The following ANKH variants were observed in gnomAD, a reference collection of about 807,000 sequenced individuals.
ANKH encodes the protein ANKH inorganic pyrophosphate transport regulator, also known as mineralization regulator ANKH.
In ANKH, 15 loss-of-function variants were observed where a neutral mutation model predicts 49.0. The observed-to-expected ratio is 0.31, with a 90% confidence interval of 0.20 to 0.47. ANKH has a LOEUF of 0.47. ANKH is among the 20% of genes least tolerant of loss of function. ANKH has a pLI of 1.00. For missense variants in ANKH, 429 were observed against 652.0 expected, an observed-to-expected ratio of 0.66 and a Z score of 3.72; for synonymous variants, 273 against 260.0, an observed-to-expected ratio of 1.05 and a Z score of -0.48.
rs573800450 is a variant in ANKH, at chr5:14,824,163, A to G, written c.96+47189T>C. On this transcript the variant is annotated intron_variant, in intron 1 of 11. Transcript: ENST00000284268. Reference sequence around the variant, plus strand: ...CCCAGCAGGGCCATCCTTCCTTGAAAGAAGGAAAAAAAATAGTCTCTGATG... The same window carrying G: ...CCCAGCAGGGCCATCCTTCCTTGAAGGAAGGAAAAAAAATAGTCTCTGATG... 1.7e-4 allele frequency among the ~76,000 whole-genome samples: 26 copies of G among 152,290 alleles called. 1 individual carries two copies. The South Asian group carries it at 5.4e-3, about 32-fold the overall frequency.
chr5:14,835,361 A>T (rs1324008493), intron 1 of ANKH, among the ~76,000 whole-genome samples: 1 of 152,114 alleles, frequency 6.6e-6, no homozygotes, highest in African/African-American at 2.4e-5. Flanking sequence ...GCCCTTTGAA[A>T]AACCCGCAGT....
At chr5:14,858,673 G>A (rs891848161) in intron 1 of ANKH, among the ~76,000 whole-genome samples, 6 of 151,318 alleles carry the variant, frequency 4.0e-5, no homozygotes, top group Admixed American at 4.0e-4. Context: ...CCGAGATCGG[G>A]CCACTGCACT....
At chr5:14,792,130 C>G (rs1740188728) in intron 1 of ANKH, among the ~76,000 whole-genome samples, 1 of 152,142 alleles carries the variant, frequency 6.6e-6, no homozygotes. Context: ...TCAGCCTGCT[C>G]TGGGCTCAAG....
At chr5:14,814,767 A>G (rs1328626785) in intron 1 of ANKH, among the ~76,000 whole-genome samples, 1 of 152,200 alleles carries the variant, frequency 6.6e-6, no homozygotes, top group Non-Finnish European at 1.5e-5. Context: ...GGATCAGTCC[A>G]TCTTCTATCT....
intron 8 of ANKH, among the ~76,000 whole-genome samples, chr5:14,728,171 C>T (rs904076266): frequency 6.6e-5 from 10 of 152,266 alleles, no homozygotes; most frequent in East Asian, 1.9e-4. Flanking sequence ...GCGCCAACAG[C>T]GCTCCATATG....
At chr5:14,799,568 A>G (rs1740499863) in intron 1 of ANKH, among the ~76,000 whole-genome samples, 1 of 152,234 alleles carries the variant, frequency 6.6e-6, no homozygotes, top group African/African-American at 2.4e-5. Context: ...TTTACCATTC[A>G]GAAAGTCCTC....
intron 1 of ANKH, chr5:14,797,903 T>G: frequency 6.2e-7 from 1 of 1,610,478 alleles, no homozygotes; most frequent in Non-Finnish European, 8.5e-7. Context: ...CTGGGTTGCA[T>G]TCTCCAGAAG....
At chr5:14,729,604 A>G (rs1037988493) in intron 8 of ANKH, among the ~76,000 whole-genome samples, 8 of 151,942 alleles carry the variant, frequency 5.3e-5, no homozygotes, top group African/African-American at 1.9e-4. Context: ...CTCCGCCTCT[A>G]CCTGCCAGCT....
chr5:14,724,253 G>A (rs538983618), intron 8 of ANKH, among the ~76,000 whole-genome samples: 53 of 152,258 alleles, frequency 3.5e-4, no homozygotes, highest in Middle Eastern at 6.8e-3. Context: ...GGAGGCAGAG[G>A]TTGCAGTGAG....
At chr5:14,808,416 T>A (rs1740770410) in intron 1 of ANKH, among the ~76,000 whole-genome samples, 1 of 152,178 alleles carries the variant, frequency 6.6e-6, no homozygotes, top group Non-Finnish European at 1.5e-5. Context: ...AATTAAAAAA[T>A]TTCCTACTCA....
At chr5:14,818,063 CAAA>C (rs34516771) in intron 1 of ANKH, among the ~76,000 whole-genome samples, 5 of 72,606 alleles carry the variant, frequency 6.9e-5, no homozygotes, top group Non-Finnish European at 7.9e-5. Flanking sequence ...GACTTTGTCT[CAAA>C]AAAAAAAAAA....
intron 8 of ANKH, among the ~76,000 whole-genome samples, chr5:14,727,549 G>A (rs896925928): frequency 6.6e-6 from 1 of 151,780 alleles, no homozygotes; most frequent in Non-Finnish European, 1.5e-5. Context: ...CGCCAAGCCC[G>A]CAGAGGGTTG....
intron 5 of ANKH, among the ~76,000 whole-genome samples, 184 bp downstream of exon 5, chr5:14,750,881 CATCT>C (rs1329237263): frequency 6.6e-6 from 1 of 152,200 alleles, no homozygotes; most frequent in African/African-American, 2.4e-5. Flanking sequence ...AGATCACATC[CATCT>C]GTTAGAGTTC....
intron 3 of ANKH, among the ~76,000 whole-genome samples, chr5:14,757,920 C>A (rs1361645496): frequency 1.3e-5 from 2 of 152,192 alleles, no homozygotes; most frequent in African/African-American, 4.8e-5. Context: ...AGCAATTCCA[C>A]TTCTGGGTAT....
At position 14,713,715 on chromosome 5, in the gene ANKH, C is replaced by T; in HGVS notation, c.1142-48G>A. 1 of 1,611,952 alleles carries T rather than the reference C, an allele frequency of 6.2e-7. No homozygotes were observed. The highest frequency in any genetic ancestry group is 8.5e-7 in the Non-Finnish European group (1 of 1,179,734). On this transcript the variant is annotated intron_variant, in intron 9 of 11. Transcript: ENST00000284268. This position sits in a 1 kb window ranked among gnomAD's most constrained non-coding sequence, Gnocchi z 4.4. ...CGTCAGCCGTGCCCGCCATCCACTCCCCATCCTGCTGCCTCTGGACCAGGG... is the reference window on the plus strand; with the variant it reads ...CGTCAGCCGTGCCCGCCATCCACTCTCCATCCTGCTGCCTCTGGACCAGGG...
chr5:14,844,194 C>T (rs1225374967), intron 1 of ANKH, among the ~76,000 whole-genome samples: 1 of 152,172 alleles, frequency 6.6e-6, no homozygotes, highest in East Asian at 1.9e-4. Context: ...GATATATCCC[C>T]AAGGTTGCAA....
chr5:14,782,265 A>G (rs1739831229), intron 1 of ANKH, among the ~76,000 whole-genome samples: 1 of 152,132 alleles, frequency 6.6e-6, no homozygotes, highest in Non-Finnish European at 1.5e-5. Flanking sequence ...CTGAGTGCTC[A>G]CCCTGTGGCA....
intron 8 of ANKH, among the ~76,000 whole-genome samples, chr5:14,719,981 G>A (rs968025899): frequency 1.3e-5 from 2 of 151,980 alleles, no homozygotes; most frequent in Non-Finnish European, 2.9e-5. Flanking sequence ...CAATAAAACT[G>A]AATACATTCT....
Position 14,713,721 on chromosome 5 carries a change from C to T in ANKH, c.1142-54G>A. On this transcript the variant is annotated intron_variant, in intron 9 of 11. Transcript: ENST00000284268. The surrounding 1 kb of genome is among the most constrained non-coding windows in gnomAD (Gnocchi z 4.4). ...CCGTGCCCGCCATCCACTCCCCATC[C>T]TGCTGCCTCTGGACCAGGGCAGCAC... The T allele has an allele frequency of 1.2e-6, 2 of 1,611,584 alleles. No individual in the cohort carries two copies. Among genetic ancestry groups the T allele is most frequent in the Non-Finnish European group, 1.7e-6 (2 of 1,179,640 alleles).
Sources: gnomAD v4.1 joint callset for allele counts (sites outside exome capture counted in the v4.1 genomes callset) on GRCh38, gnomAD v4.1.1 for gene constraint, Gnocchi (gnomAD v3.1) non-coding constraint, MANE v1.5 for transcripts, NCBI Gene and HGNC (gene_info 2026-07-23, HGNC 2026-07-21) for gene names.